PDLIM5: variants seen among roughly 807,000 people sequenced by gnomAD.
The protein encoded by PDLIM5 is PDZ and LIM domain 5.
PDLIM5 carries 34 observed loss-of-function variants against 64.2 expected under a neutral mutation model. The ratio of observed to expected loss-of-function variants is 0.53; its 90% CI spans 0.40 to 0.71. The LOEUF (loss-of-function observed/expected upper bound fraction) is 0.71. Among genes scored for constraint, PDLIM5 ranks in the 30% least tolerant of loss-of-function variants. PDLIM5 has a pLI of 0.00. For missense variants in PDLIM5, 683 were observed against 733.6 expected, an observed-to-expected ratio of 0.93 and a Z score of 0.80; for synonymous variants, 253 against 269.1, an observed-to-expected ratio of 0.94 and a Z score of 0.59.
rs570766961 is a variant in PDLIM5 at position 94,464,065 on chromosome 4, A to AT, written c.96+8688dup. On this transcript the variant is annotated intron_variant, in intron 2 of 12. Coordinates refer to ENST00000317968, the MANE Select transcript of PDLIM5 (RefSeq NM_006457.5). ...GAGTAAGGATGCCAGGGATATTTAT[A>AT]TTTTTTTGTAGTAAAGATGAGGAAA... 2.8e-3 allele frequency among the ~76,000 whole-genome samples: 424 copies of AT among 152,258 alleles called. 1 individual carries two copies. The highest frequency in any genetic ancestry group is 4.6e-3 in the Admixed American group (71 of 15,272).
At chr4:94,591,066 A>T (rs554274925) in intron 7 of PDLIM5, among the ~76,000 whole-genome samples, 1 of 152,322 alleles carries the variant, frequency 6.6e-6, no homozygotes, top group Admixed American at 6.5e-5. Flanking sequence ...TATCCTGCAG[A>T]GCATACATAA....
chr4:94,568,423 A>G (rs1289169611), intron 3 of PDLIM5, among the ~76,000 whole-genome samples: 2 of 152,178 alleles, frequency 1.3e-5, no homozygotes, highest in East Asian at 1.9e-4. Context: ...TTGAAATGGT[A>G]TTTTCACTGT....
At chr4:94,600,760 C>G (rs773297773) in intron 7 of PDLIM5, among the ~76,000 whole-genome samples, 5 of 152,064 alleles carry the variant, frequency 3.3e-5, no homozygotes, top group Non-Finnish European at 5.9e-5. Context: ...GGGAGTCATG[C>G]TTTTATCAGG....
At chr4:94,452,018 T>C (rs1722888776) in intron 1 of PDLIM5, 23 bp downstream of exon 1, 1 of 152,048 alleles carries the variant, frequency 6.6e-6, no homozygotes, top group Admixed American at 6.5e-5. Flanking sequence ...CGGCCGGCGA[T>C]GCGCCTCTCG....
At chr4:94,606,886 AAATTTG>A in intron 7 of PDLIM5, among the ~76,000 whole-genome samples, 1 of 152,342 alleles carries the variant, frequency 6.6e-6, no homozygotes. Context: ...ATGGATGCTG[AAATTTG>A]AATTTTATAT....
intron 2 of PDLIM5, among the ~76,000 whole-genome samples, chr4:94,462,800 A>C (rs987156302): frequency 1.3e-5 from 2 of 152,072 alleles, no homozygotes; most frequent in Admixed American, 1.3e-4. Context: ...TACCTATGCT[A>C]GCCTAAGTTT....
At chr4:94,543,824 G>A (rs867561323) in intron 3 of PDLIM5, among the ~76,000 whole-genome samples, 1 of 79,294 alleles carries the variant, frequency 1.3e-5, no homozygotes, top group Non-Finnish European at 2.7e-5. Flanking sequence ...GTGTGTGTGT[G>A]TGTGTGTGTG....
chr4:94,533,419 T>C lies in PDLIM5; in HGVS notation c.248+9544T>C, dbSNP rs567391935. Among the ~76,000 whole-genome samples the C allele has an allele frequency of 1.7e-4, 26 of 152,352 alleles. No individual in the cohort carries two copies. The South Asian group carries it at 5.4e-3, about 32-fold the overall frequency. On this transcript the variant is annotated intron_variant, in intron 3 of 12. Transcript: ENST00000317968. ...AAAGATCTGTTTAGTTTTAAATCTTTAAAAATTTTTTTGGATCACACCTAA... is the reference window on the plus strand; with the variant it reads ...AAAGATCTGTTTAGTTTTAAATCTTCAAAAATTTTTTTGGATCACACCTAA...
intron 2 of PDLIM5, among the ~76,000 whole-genome samples, chr4:94,503,577 T>C (rs963385248): frequency 1.3e-5 from 2 of 152,216 alleles, no homozygotes; most frequent in African/African-American, 4.8e-5. Context: ...AACTGCCAAG[T>C]TTCTCCTCCG....
chr4:94,496,752 C>G (rs1727433426), intron 2 of PDLIM5, among the ~76,000 whole-genome samples: 1 of 152,164 alleles, frequency 6.6e-6, no homozygotes, highest in Non-Finnish European at 1.5e-5. Flanking sequence ...CTTGGCCTTC[C>G]AAAGTGTTGG....
chr4:94,586,264 G>T, intron 6 of PDLIM5, 144 bp from the exon 7 acceptor site: 1 of 567,770 alleles, frequency 1.8e-6, no homozygotes, highest in South Asian at 2.4e-5. Flanking sequence ...TATAGTTTAT[G>T]GCCAATAACA....
At chr4:94,644,392 G>C (rs1225171395) in intron 9 of PDLIM5, among the ~76,000 whole-genome samples, 1 of 151,924 alleles carries the variant, frequency 6.6e-6, no homozygotes, top group African/African-American at 2.4e-5. Flanking sequence ...ATATGAATAT[G>C]GCAAAAATGA....
chr4:94,570,864 T>G (rs958051779), intron 3 of PDLIM5, among the ~76,000 whole-genome samples: 5 of 152,190 alleles, frequency 3.3e-5, no homozygotes, highest in Non-Finnish European at 7.3e-5. Context: ...CCTTTTTTTC[T>G]GTGTGATTGT....
At chr4:94,561,593 C>T (rs1320618100) in intron 3 of PDLIM5, among the ~76,000 whole-genome samples, 1 of 152,174 alleles carries the variant, frequency 6.6e-6, no homozygotes, top group African/African-American at 2.4e-5. Context: ...TCAGATCTTT[C>T]TGTGACTCTA....
At chr4:94,452,261 G>C (rs1325619172) in intron 1 of PDLIM5, among the ~76,000 whole-genome samples, 1 of 152,192 alleles carries the variant, frequency 6.6e-6, no homozygotes, top group African/African-American at 2.4e-5. Context: ...CCGCAGCCCG[G>C]GCCGACCGGG....
At chr4:94,605,126 A>G (rs1473232046) in intron 7 of PDLIM5, among the ~76,000 whole-genome samples, 1 of 152,156 alleles carries the variant, frequency 6.6e-6, no homozygotes, top group Admixed American at 6.5e-5. Flanking sequence ...TCCAGTAGAG[A>G]AGGAGAGATG....
chr4:94,623,992 C>T (rs1394100149), intron 8 of PDLIM5, among the ~76,000 whole-genome samples: 2 of 152,026 alleles, frequency 1.3e-5, no homozygotes, highest in Non-Finnish European at 2.9e-5. Flanking sequence ...AGTTGTAAAG[C>T]CCCATGATAG....
In PDLIM5 at chr4:94,667,762, C is replaced by T. The variant is rs953122891; in HGVS notation, c.*3695C>T. 5 of 152,100 alleles carry T rather than the reference C, an allele frequency of 3.3e-5. No individual in the cohort carries two copies. Among genetic ancestry groups the T allele is most frequent in the Non-Finnish European group, 7.4e-5 (5 of 68,004 alleles). 9.4% of individuals were successfully genotyped at this position (152,100 alleles called of 1,614,324 possible). A position where few individuals can be genotyped will look rare whatever the true frequency, so the allele number is the denominator to read the frequency against. The stretch of plus-strand genomic sequence containing the variant: ...TCAAATCTTCAAAATATTACTATAG[C>T]ATTATGTTTAAAATAATCTACAACA... On this transcript the variant is annotated 3_prime_UTR_variant, in exon 13 of 13. Coordinates refer to ENST00000317968, the MANE Select transcript of PDLIM5 (RefSeq NM_006457.5).
intron 2 of PDLIM5, among the ~76,000 whole-genome samples, chr4:94,459,008 T>C (rs11939756): frequency 0.027 from 4,155 of 152,252 alleles, 158 homozygotes; most frequent in African/African-American, 0.088. Flanking sequence ...CTTTTTATGA[T>C]CCTGTGTTTA....
Sources: gnomAD v4.1 joint callset for allele counts (sites outside exome capture counted in the v4.1 genomes callset) on GRCh38, gnomAD v4.1.1 for gene constraint, MANE v1.5 for transcripts, NCBI Gene and HGNC (gene_info 2026-07-23, HGNC 2026-07-21) for gene names.